Variants in ATP1A3 observed in about 807,000 individuals in gnomAD.
ATP1A3 encodes the protein ATPase Na+/K+ transporting subunit alpha 3.
Under a neutral mutation model 108.8 loss-of-function variants are expected in ATP1A3, and 12 were observed. The ratio of observed to expected loss-of-function variants is 0.11; its 90% CI spans 0.07 to 0.18. The LOEUF (loss-of-function observed/expected upper bound fraction) is 0.18, where lower values mean the gene tolerates loss of function less well. ATP1A3 is among the 10% of genes least tolerant of loss of function. ATP1A3 has a pLI of 1.00. For synonymous variants in ATP1A3, 539 were observed against 564.5 expected (o/e 0.95, Z 0.64); for missense variants, 498 against 1,387.7 (o/e 0.36, Z 10.19).
Position 41,970,124 on chromosome 19 carries a change from G to A in ATP1A3, c.2542+61C>T, listed in dbSNP as rs375530305. The A allele has an allele frequency of 1.3e-5, 21 of 1,613,734 alleles. No homozygotes were observed. The South Asian group carries it at 2.0e-4, about 15-fold the overall frequency. On this transcript the variant is annotated intron_variant, in intron 18 of 22. Coordinates refer to ENST00000648268, the MANE Select transcript of ATP1A3 (RefSeq NM_152296.5). ...CCAGGGTCCCAAGCACCCACGGTGGGCCAGGCACTGCTCTAGGCCCGGCAC... is the reference window on the plus strand; with the variant it reads ...CCAGGGTCCCAAGCACCCACGGTGGACCAGGCACTGCTCTAGGCCCGGCAC...
At chr19:41,984,880 C>CA (rs782327515) in intron 8 of ATP1A3, 38 bp downstream of exon 8, 1 of 1,593,062 alleles carries the variant, frequency 6.3e-7, no homozygotes, top group Non-Finnish European at 8.6e-7. Flanking sequence ...CCCAGACCCC[C>CA]AGGCCCTCCC....
At chr19:41,993,197 C>G in intron 1 of ATP1A3, 1 of 514,390 alleles carries the variant, frequency 1.9e-6, no homozygotes, top group Non-Finnish European at 3.6e-6. Flanking sequence ...TCAGCCCCGC[C>G]CCAGACACAC....
rs782194114 is a variant in ATP1A3 at position 41,988,042 on chromosome 19, C to T, written c.251G>A (p.Arg84Gln). The T allele has an allele frequency of 5.0e-6, 8 of 1,614,116 alleles. No homozygotes were observed. In the Admixed American group the frequency reaches 6.7e-5, roughly 13 times the overall value. Residue 84 changes from arginine (R) to glutamine (Q), a missense_variant, in exon 4 of 23, where the codon CGG becomes CAG. Arg to Gln is a conservative substitution (Grantham distance 43). Coordinates refer to ENST00000648268, the MANE Select transcript of ATP1A3 (RefSeq NM_152296.5). This position sits in a 1 kb window ranked among gnomAD's most constrained non-coding sequence, Gnocchi z 5.3. ...PTTPEWVKFCRQLFGGFSILL... is the reference protein window; with the variant it reads ...PTTPEWVKFCQQLFGGFSILL... ...GATGGAGAAGCCCCCGAAGAGCTGC[C>T]GGCAAAACTTGACCCACTCTGGGGT... is the stretch of plus-strand genomic sequence containing the variant.
In ATP1A3 at chr19:41,967,831, CA is replaced by C. The variant is rs1239638945; in HGVS notation, c.2820-69del. ...CCCTGCACCTGCCACCCCGCAGAGA[CA>C]GGGGGAGGCACAGTGCAGACACCCA... is the stretch of plus-strand genomic sequence containing the variant. On this transcript the variant is annotated intron_variant, in intron 20 of 22. Transcript: ENST00000648268. This position sits in a 1 kb window ranked among gnomAD's most constrained non-coding sequence, Gnocchi z 4.2. The C allele has an allele frequency of 5.7e-6, 8 of 1,401,278 alleles. No individual in the cohort carries two copies. The highest frequency in any genetic ancestry group is 1.2e-5 in the South Asian group (1 of 84,164). The allele number at this position is 1,401,278 out of a possible 1,614,324, so 86.8% of individuals were successfully genotyped here.
At position 41,981,760 on chromosome 19, in the gene ATP1A3, C is replaced by T; in HGVS notation, c.1264G>A (p.Val422Ile). 1.9e-6 allele frequency: 3 copies of T among 1,614,222 alleles called. No individual in the cohort carries two copies. The highest frequency in any genetic ancestry group is 2.5e-6 in the Non-Finnish European group (3 of 1,180,046). ...SHIAGLCNRAVFKGGQDNIPV... is the reference protein window; with the variant it reads ...SHIAGLCNRAIFKGGQDNIPV... ...ATGTTGTCCTGACCACCCTTGAAGACAGCGCGATTGCAGAGCCCAGCGATG... is the reference window on the plus strand; with the variant it reads ...ATGTTGTCCTGACCACCCTTGAAGATAGCGCGATTGCAGAGCCCAGCGATG... The change falls in exon 10 of 23, where the codon GTC becomes ATC. Residue 422 changes from valine to isoleucine, a missense_variant. Physicochemically the swap from Val to Ile is conservative, Grantham distance 29. Transcript: ENST00000648268. This position sits in a 1 kb window ranked among gnomAD's most constrained non-coding sequence, Gnocchi z 5.0.
In ATP1A3 at chr19:41,978,918, C is replaced by T. The variant is rs921548856; in HGVS notation, c.1438-120G>A. 6.1e-6 allele frequency: 5 copies of T among 826,408 alleles called. No homozygotes were observed. Among genetic ancestry groups the T allele is most frequent in the Non-Finnish European group, 9.8e-6 (5 of 511,238 alleles). 51.2% of individuals were successfully genotyped at this position (826,408 alleles called of 1,614,324 possible). ...GGATAGGCCCACACCAGGGCTCCCC[C>T]ACACTCTCTCACAGAGACCTCTGCT... On this transcript the variant is annotated intron_variant, in intron 11 of 22. Transcript: ENST00000648268. The surrounding 1 kb of genome is among the most constrained non-coding windows in gnomAD (Gnocchi z 8.3).
chr19:41,986,030 G>A lies in ATP1A3; in HGVS notation c.472-32C>T, dbSNP rs782813378. ...TGGGATGGAGTAATGTCACCTCCCAGACTCCCTCTGCCTGGGGGTCACTGG... is the reference window on the plus strand; with the variant it reads ...TGGGATGGAGTAATGTCACCTCCCAAACTCCCTCTGCCTGGGGGTCACTGG... On this transcript the variant is annotated intron_variant, in intron 5 of 22. Transcript: ENST00000648268. The A allele has an allele frequency of 8.7e-6, 14 of 1,613,968 alleles. No homozygotes were observed. In the South Asian group the frequency reaches 1.5e-4, roughly 18 times the overall value.
At chr19:41,989,928 T>C (rs1484146445) in intron 1 of ATP1A3, among the ~76,000 whole-genome samples, 1 of 152,158 alleles carries the variant, frequency 6.6e-6, no homozygotes, top group Non-Finnish European at 1.5e-5. Flanking sequence ...TGTCTCTCTC[T>C]GATCTCTGGT....
At chr19:41,976,853 G>T (rs1467878010) in intron 14 of ATP1A3, among the ~76,000 whole-genome samples, 1 of 151,928 alleles carries the variant, frequency 6.6e-6, no homozygotes, top group Admixed American at 6.6e-5. Flanking sequence ...CACCCAAGCT[G>T]GAGTGCAGTG....
At chr19:41,976,961 C>G (rs528161172) in intron 14 of ATP1A3, among the ~76,000 whole-genome samples, 1 of 151,714 alleles carries the variant, frequency 6.6e-6, no homozygotes, top group Admixed American at 6.6e-5. Context: ...CCCACCACCA[C>G]GCCTGGCTAA....
rs782108634 is a variant in ATP1A3, at chr19:41,977,926, G to C, written c.1943+10C>G. On this transcript the variant is annotated intron_variant, in intron 14 of 22. Transcript: ENST00000648268. ...GATGTCCAGGGCCCTGGCTGGGATG[G>C]GTGGCTCACCGGGGGTTAACCTGGC... 1 of 1,614,042 alleles carries C rather than the reference G, an allele frequency of 6.2e-7. No homozygotes were observed. The highest frequency in any genetic ancestry group is 1.1e-5 in the South Asian group (1 of 91,080).
At chr19:41,979,774 G>C (rs1467917496) in intron 11 of ATP1A3, among the ~76,000 whole-genome samples, 1 of 152,238 alleles carries the variant, frequency 6.6e-6, no homozygotes, top group Non-Finnish European at 1.5e-5. Context: ...AATTGACTAT[G>C]TGGATGGCTG....
At chr19:41,991,298 T>G (rs1298307831) in intron 1 of ATP1A3, among the ~76,000 whole-genome samples, 5 of 99,182 alleles carry the variant, frequency 5.0e-5, no homozygotes, top group African/African-American at 1.6e-4. Flanking sequence ...AGTCGGAGGG[T>G]GGGGGTGTGC....
Position 41,978,272 on chromosome 19 carries a change from T to G in ATP1A3, c.1685A>C (p.Asp562Ala). 1 of 1,613,070 alleles carries G rather than the reference T, an allele frequency of 6.2e-7. No homozygotes were observed. Among genetic ancestry groups the G allele is most frequent in the Non-Finnish European group, 8.5e-7 (1 of 1,179,584 alleles). The change falls in exon 13 of 23, where the codon GAC becomes GCC. Residue 562 changes from aspartate to alanine, a missense_variant. Around this residue, in one of 9 missense-constraint regions of ATP1A3, gnomAD observed 92 missense variants for 168.7 expected, o/e 0.55. Transcript: ENST00000648268. The surrounding 1 kb of genome is among the most constrained non-coding windows in gnomAD (Gnocchi z 8.3). ...EEQFPKGFAFDCDDVNFTTDN... is the reference protein window; with the variant it reads ...EEQFPKGFAFACDDVNFTTDN... The stretch of plus-strand genomic sequence containing the variant: ...CGTGGTGAAGTTCACGTCATCACAG[T>G]CGAAGGCAAAGCCCTTGGGGAACTG...
intron 1 of ATP1A3, chr19:41,993,538 C>T: frequency 7.9e-7 from 1 of 1,273,130 alleles, no homozygotes; most frequent in Middle Eastern, 2.2e-4. Context: ...CACACACACA[C>T]ACACACACAC....
chr19:41,975,498 C>A (rs2075156065), intron 16 of ATP1A3, 131 bp downstream of exon 16: 1 of 1,356,182 alleles, frequency 7.4e-7, no homozygotes, highest in African/African-American at 1.4e-5. Flanking sequence ...AGGACAGGCT[C>A]AGGCTCCTCC....
rs1555858752 is a variant in ATP1A3, at chr19:41,967,015, G to C, written c.3014-50C>G. On this transcript the variant is annotated intron_variant, in intron 22 of 22. Coordinates refer to ENST00000648268, the MANE Select transcript of ATP1A3 (RefSeq NM_152296.5). The surrounding 1 kb of genome is among the most constrained non-coding windows in gnomAD (Gnocchi z 4.2). The stretch of plus-strand genomic sequence containing the variant: ...AGAGACAGAGTAAGAGATGGAGAGA[G>C]ACAGGCAAGGCGAGCCGCCCAGCAG... 6.4e-7 allele frequency: 1 copy of C among 1,551,630 alleles called. No homozygotes were observed. Among genetic ancestry groups the C allele is most frequent in the Admixed American group, 2.0e-5 (1 of 50,966 alleles).
At chr19:41,993,792 T>C in intron 1 of ATP1A3, 1 of 626,720 alleles carries the variant, frequency 1.6e-6, no homozygotes, top group East Asian at 2.8e-5. Flanking sequence ...CATGCAACTG[T>C]GCACATGCAA....
chr19:41,980,178 C>G (rs191166948), intron 11 of ATP1A3, among the ~76,000 whole-genome samples: 164 of 152,378 alleles, frequency 1.1e-3, no homozygotes, highest in Middle Eastern at 3.4e-3. Flanking sequence ...ACTACGATTA[C>G]CTCCTCATGC....
Sources: allele counts gnomAD v4.1 joint callset (sites outside exome capture counted in the v4.1 genomes callset), GRCh38; gene constraint gnomAD v4.1.1; regional missense constraint gnomAD v4.1.1; non-coding constraint Gnocchi (gnomAD v3.1); transcripts MANE v1.5; gene names NCBI Gene and HGNC (gene_info 2026-07-23, HGNC 2026-07-21).